The following SAMD11 variants were observed in gnomAD, a reference collection of about 807,000 sequenced individuals.
The protein encoded by SAMD11 is sterile alpha motif domain containing 11.
A neutral mutation model predicts 64.4 loss-of-function variants in SAMD11; 77 were observed. The ratio of observed to expected loss-of-function variants is 1.20; its 90% CI spans 0.99 to 1.44. SAMD11 has a LOEUF of 1.44. Among genes scored for constraint, SAMD11 ranks in the 40% most tolerant of loss-of-function variants. The probability of loss-of-function intolerance (pLI) is 0.00; values close to 1 mark genes in which losing one functional copy is unlikely to be tolerated. For missense variants in SAMD11, 1,402 were observed against 943.3 expected (o/e 1.49, Z -6.37); for synonymous variants, 658 against 421.9 (o/e 1.56, Z -6.86).
chr1:941,550 G>A (rs1641767035), intron 8 of SAMD11, among the ~76,000 whole-genome samples: 1 of 152,062 alleles, frequency 6.6e-6, no homozygotes, highest in Non-Finnish European at 1.5e-5. Flanking sequence ...GAAGGGGAGA[G>A]CTCCAAGTCT....
At chr1:942,335 C>G (rs6605066) in intron 9 of SAMD11, 75 bp from the exon 10 acceptor site, 978,939 of 1,060,952 alleles carry the variant, frequency 0.92, 452,310 homozygotes, top group East Asian at 0.94. Flanking sequence ...CGAGACGGAC[C>G]GGGTAGGGGA....
intron 8 of SAMD11, among the ~76,000 whole-genome samples, chr1:941,873 AG>A (rs946725126): frequency 1.3e-5 from 2 of 151,886 alleles, no homozygotes; most frequent in Non-Finnish European, 2.9e-5. Flanking sequence ...TCCGCAGGGG[AG>A]GGGAGCAGGC....
At chr1:928,269 G>A (rs1251015543) in intron 2 of SAMD11, among the ~76,000 whole-genome samples, 1 of 152,244 alleles carries the variant, frequency 6.6e-6, no homozygotes. Flanking sequence ...GCGGGTGCCT[G>A]TAGTCCCAGC....
At chr1:929,616 T>G (rs1641074080) in intron 2 of SAMD11, among the ~76,000 whole-genome samples, 1 of 152,118 alleles carries the variant, frequency 6.6e-6, no homozygotes, top group Non-Finnish European at 1.5e-5. Context: ...GGCAGGCAGA[T>G]ACACGGAGGG....
Position 942,184 on chromosome 1 carries a change from C to A in SAMD11, c.1407C>A (p.His469Gln), listed in dbSNP as rs1217150180. The A allele has an allele frequency of 7.0e-7, 1 of 1,428,070 alleles. No individual in the cohort carries two copies. 88.5% of individuals were successfully genotyped at this position (1,428,070 alleles called of 1,614,324 possible). A position where few individuals can be genotyped will look rare whatever the true frequency, so the allele number is the denominator to read the frequency against. ...PPLLSPQNAP[H>Q]VALGPHLRPP... The stretch of plus-strand genomic sequence containing the variant: ...TGCTGTCGCCGCAGAATGCCCCTCA[C>A]GTCGCCCTGGGCCCCCATCTCAGGC... The change falls in exon 9 of 14, where the codon CAC becomes CAA. Residue 469 changes from histidine to glutamine, a missense_variant. His to Gln is a conservative substitution (Grantham distance 24). Coordinates refer to ENST00000616016, the MANE Select transcript of SAMD11 (RefSeq NM_001385641.1).
chr1:935,909 G>A lies in SAMD11; in HGVS notation c.967+13G>A. The A allele has an allele frequency of 6.2e-7, 1 of 1,611,420 alleles. No homozygotes were observed. The highest frequency in any genetic ancestry group is 1.3e-5 in the African/African-American group (1 of 75,046). Reference sequence around the variant, plus strand: ...CTGCGACCCGCCGGTGAGGAGCACAGGGGGCCTGAGGGCGGGGTCGGGGCT... The same window carrying A: ...CTGCGACCCGCCGGTGAGGAGCACAAGGGGCCTGAGGGCGGGGTCGGGGCT... On this transcript the variant is annotated intron_variant, in intron 5 of 13. Coordinates refer to ENST00000616016, the MANE Select transcript of SAMD11 (RefSeq NM_001385641.1).
chr1:927,082 G>A (rs1640930619), intron 2 of SAMD11, among the ~76,000 whole-genome samples: 1 of 152,122 alleles, frequency 6.6e-6, no homozygotes, highest in Admixed American at 6.5e-5. Flanking sequence ...CAGGGGAAGG[G>A]GACACAGCCG....
At chr1:940,293 G>GCCCCC (rs1641676854) in intron 7 of SAMD11, 6 of 37,010 alleles carry the variant, frequency 1.6e-4, no homozygotes, top group East Asian at 1.9e-3. Flanking sequence ...AGGCCGCGCC[G>GCCCCC]CCGCCCCCCC....
At chr1:928,860 G>A (rs1200204310) in intron 2 of SAMD11, among the ~76,000 whole-genome samples, 1 of 152,246 alleles carries the variant, frequency 6.6e-6, no homozygotes, top group Non-Finnish European at 1.5e-5. Flanking sequence ...TGGCACTGGG[G>A]CTGTGCATTT....
At position 944,268 on chromosome 1, in the gene SAMD11, T is replaced by A; in HGVS notation, c.*115T>A. 6.9e-7 allele frequency: 1 copy of A among 1,449,690 alleles called. No homozygotes were observed. Among genetic ancestry groups the A allele is most frequent in the East Asian group, 2.5e-5 (1 of 39,948 alleles). The allele number at this position is 1,449,690 out of a possible 1,614,324, so 89.8% of individuals were successfully genotyped here. A position where few individuals can be genotyped will look rare whatever the true frequency, so the allele number is the denominator to read the frequency against. On this transcript the variant is annotated 3_prime_UTR_variant, in exon 14 of 14. Coordinates refer to ENST00000616016, the MANE Select transcript of SAMD11 (RefSeq NM_001385641.1). ...GGTTTCGGATGCAAAACAAAAAATTTTAAAAGAAAATGTGACTTCAAAGGA... is the reference window on the plus strand; with the variant it reads ...GGTTTCGGATGCAAAACAAAAAATTATAAAAGAAAATGTGACTTCAAAGGA...
At chr1:936,797 G>C (rs1007806163) in intron 5 of SAMD11, among the ~76,000 whole-genome samples, 3 of 152,180 alleles carry the variant, frequency 2.0e-5, no homozygotes, top group Admixed American at 6.5e-5. Flanking sequence ...CTGATGCCGC[G>C]TTGGAGACAG....
intron 9 of SAMD11, 74 bp downstream of exon 9, chr1:942,325 C>G (rs1641828659): frequency 9.2e-7 from 1 of 1,088,912 alleles, no homozygotes; most frequent in East Asian, 3.2e-5. Context: ...CTGTCGGAGC[C>G]GAGACGGACC....
rs905366888 is a variant in SAMD11 at position 944,429 on chromosome 1, C to T, written c.*276C>T. On this transcript the variant is annotated 3_prime_UTR_variant, in exon 14 of 14. Transcript: ENST00000616016. ...CTCCCCCTGGAACTGGGACTGGTCT[C>T]GGTCTGCTGACGTCAGGGTCAGCTC... 3.3e-5 allele frequency: 35 copies of T among 1,060,180 alleles called. No individual in the cohort carries two copies. Among genetic ancestry groups the T allele is most frequent in the African/African-American group, 1.7e-4 (10 of 60,494 alleles). The allele number at this position is 1,060,180 out of a possible 1,614,324, so 65.7% of individuals were successfully genotyped here. A position where few individuals can be genotyped will look rare whatever the true frequency, so the allele number is the denominator to read the frequency against.
At chr1:933,212 A>C (rs1422437922) in intron 4 of SAMD11, among the ~76,000 whole-genome samples, 2 of 151,830 alleles carry the variant, frequency 1.3e-5, no homozygotes, top group Admixed American at 1.3e-4. Flanking sequence ...CTGCTTCTCC[A>C]CTCTGGGACG....
intron 3 of SAMD11, among the ~76,000 whole-genome samples, chr1:930,689 G>A (rs900339871): frequency 2.6e-5 from 4 of 152,230 alleles, no homozygotes; most frequent in Non-Finnish European, 4.4e-5. Context: ...TCAGGCTCGT[G>A]ACTGGCTGTG....
In SAMD11 at chr1:925,957, C is replaced by G. The variant is rs997876132; in HGVS notation, c.553C>G (p.Leu185Val). The G allele has an allele frequency of 6.2e-7, 1 of 1,611,948 alleles. No individual in the cohort carries two copies. The highest frequency in any genetic ancestry group is 1.3e-5 in the African/African-American group (1 of 74,930). The stretch of plus-strand genomic sequence containing the variant: ...GAAGACGCTTATGTCCAAGGGGATC[C>G]TGCAGGTGCATCCTCCGATCTGCGA... ...SLKTLMSKGI[L>V]QVHPPICDCP... The change falls in exon 2 of 14, where the codon CTG becomes GTG. Residue 185 changes from leucine to valine, a missense_variant. Transcript: ENST00000616016.
chr1:930,878 G>A (rs983971581), intron 3 of SAMD11, among the ~76,000 whole-genome samples, 161 bp from the exon 4 acceptor site: 15 of 152,268 alleles, frequency 9.9e-5, no homozygotes, highest in African/African-American at 3.6e-4. Flanking sequence ...TGTTGAGCCA[G>A]TAGCAGGTGG....
At chr1:928,273 T>A (rs931044226) in intron 2 of SAMD11, among the ~76,000 whole-genome samples, 1 of 152,196 alleles carries the variant, frequency 6.6e-6, no homozygotes, top group African/African-American at 2.4e-5. Flanking sequence ...GTGCCTGTAG[T>A]CCCAGCTACT....
rs1450901788 is a variant in SAMD11, at chr1:935,283, CTCA to C, written c.843-485_843-483del. Among the ~76,000 whole-genome samples the C allele has an allele frequency of 2.0e-5, 3 of 152,138 alleles. No homozygotes were observed. In the East Asian group the frequency reaches 5.8e-4, roughly 29 times the overall value. On this transcript the variant is annotated intron_variant, in intron 4 of 13. Coordinates refer to ENST00000616016, the MANE Select transcript of SAMD11 (RefSeq NM_001385641.1). ...GGTGCCGTGTGTGCGTGGGGCGCGT[CTCA>C]TCAGCTGCAGGACTGTGGTCTGGGC... is the stretch of plus-strand genomic sequence containing the variant.
Sources: gnomAD v4.1 joint callset for allele counts (sites outside exome capture counted in the v4.1 genomes callset) on GRCh38, gnomAD v4.1.1 for gene constraint, MANE v1.5 for transcripts, NCBI Gene and HGNC (gene_info 2026-07-23, HGNC 2026-07-21) for gene names.